SYTL5: variants seen among roughly 807,000 people sequenced by gnomAD.
SYTL5 encodes synaptotagmin like 5.
In SYTL5, 34 loss-of-function variants were observed where a neutral mutation model predicts 55.9. The ratio of observed to expected loss-of-function variants is 0.61; its 90% CI spans 0.46 to 0.81. SYTL5 has a LOEUF of 0.81. SYTL5 is among the 30% of genes least tolerant of loss of function. SYTL5 has a pLI of 0.00. For synonymous variants in SYTL5, 221 were observed against 188.7 expected, an observed-to-expected ratio of 1.17 and a Z score of -1.40; for missense variants, 637 against 546.7, an observed-to-expected ratio of 1.17 and a Z score of -1.65.
chrX:37,903,265 G>A, the SYTL5 span, among the ~76,000 whole-genome samples: 2 of 107,815 alleles, frequency 1.9e-5, no homozygotes, highest in Non-Finnish European at 3.8e-5. Context: ...GTTTATTGCG[G>A]CACTATTCAC....
At chrX:38,116,022 G>A (rs985399632) in intron 13 of SYTL5, among the ~76,000 whole-genome samples, 2 of 111,500 alleles carry the variant, frequency 1.8e-5, no homozygotes, top group African/African-American at 3.3e-5. Context: ...CCAGACCTAT[G>A]TTGTGGAGCT....
the SYTL5 span, among the ~76,000 whole-genome samples, chrX:37,960,896 C>T: frequency 6.4e-5 from 7 of 108,744 alleles, no homozygotes; most frequent in East Asian, 2.8e-4. Flanking sequence ...CCCGGGTTCA[C>T]GCCATTCTCC....
At chrX:38,066,548 C>A (rs1033745805) in intron 3 of SYTL5, among the ~76,000 whole-genome samples, 1 of 111,543 alleles carries the variant, frequency 9.0e-6, no homozygotes, top group Middle Eastern at 4.7e-3. Context: ...ACTAGATTGA[C>A]ATGACAGAGA....
chrX:38,019,915 C>CTGAG (rs201548090), intron 1 of SYTL5, among the ~76,000 whole-genome samples: 1,161 of 111,976 alleles, frequency 0.01, 7 homozygotes, highest in Non-Finnish European at 0.015. Context: ...GATTACAGAC[C>CTGAG]TGAGCCACAA....
Position 38,090,532 on chromosome X carries a change from G to A in SYTL5, c.831+945G>A, listed in dbSNP as rs185374958. On this transcript the variant is annotated intron_variant, in intron 7 of 16. Transcript: ENST00000297875. ...ATTTGTGAGATTTTTTTATTTAGCA[G>A]GAAGCTCCATCCACATTGCTGGCAT... 1.1e-3 allele frequency among the ~76,000 whole-genome samples: 118 copies of A among 111,969 alleles called. 1 individual carries two copies. Among genetic ancestry groups the A allele is most frequent in the Middle Eastern group, 4.6e-3 (1 of 217 alleles).
At position 38,023,356 on chromosome X, in the gene SYTL5, CATAAT is replaced by C. The variant is rs200007958; in HGVS notation, c.-356-10174_-356-10170del. 9.4e-3 allele frequency among the ~76,000 whole-genome samples: 1,050 copies of C among 111,845 alleles called. 7 individuals are homozygous for C. Among genetic ancestry groups the C allele is most frequent in the Middle Eastern group, 0.041 (9 of 219 alleles). ...TTGGTTCTTGAAAATTTTTTAAAGA[CATAAT>C]ATATGGTTACATGAATACATCCAAA... is the stretch of plus-strand genomic sequence containing the variant. On this transcript the variant is annotated intron_variant, in intron 1 of 16. Transcript: ENST00000297875.
chrX:37,900,478 C>A, the SYTL5 span, among the ~76,000 whole-genome samples: 1 of 111,677 alleles, frequency 9.0e-6, no homozygotes, highest in Non-Finnish European at 1.9e-5. Context: ...AAGAAGACCT[C>A]AGTAATACAT....
At chrX:37,991,482 C>T in the SYTL5 span, among the ~76,000 whole-genome samples, 8 of 110,973 alleles carry the variant, frequency 7.2e-5, no homozygotes, top group African/African-American at 2.3e-4. Flanking sequence ...GTGAGGGCGC[C>T]GGCCCTGTGG....
the SYTL5 span, among the ~76,000 whole-genome samples, chrX:37,911,219 G>T: frequency 9.0e-6 from 1 of 110,622 alleles, no homozygotes; most frequent in Non-Finnish European, 1.9e-5. Context: ...TGATCTGCCT[G>T]CCTCGGCCTC....
intron 12 of SYTL5, among the ~76,000 whole-genome samples, chrX:38,109,824 T>G (rs1357154379): frequency 9.0e-6 from 1 of 111,145 alleles, no homozygotes; most frequent in Non-Finnish European, 1.9e-5. Context: ...TTAATATACA[T>G]GTACACCTTT....
At chrX:38,033,151 GAAGA>G (rs1159598478) in intron 1 of SYTL5, among the ~76,000 whole-genome samples, 1 of 111,606 alleles carries the variant, frequency 9.0e-6, no homozygotes, top group African/African-American at 3.3e-5. Flanking sequence ...GGAAAGGAAG[GAAGA>G]AAGAAGGAGG....
At chrX:38,037,982 A>C (rs1169281632) in intron 2 of SYTL5, among the ~76,000 whole-genome samples, 2 of 111,368 alleles carry the variant, frequency 1.8e-5, no homozygotes, top group African/African-American at 3.3e-5. Flanking sequence ...CATGTCTGGC[A>C]GTCAGTAGCA....
At chrX:38,009,329 A>G (rs1218974920) in intron 1 of SYTL5, among the ~76,000 whole-genome samples, 1 of 112,190 alleles carries the variant, frequency 8.9e-6, no homozygotes, top group African/African-American at 3.2e-5. Context: ...CATCTGCTAT[A>G]CATTTTCCCA....
At position 38,064,699 on chromosome X, in the gene SYTL5, G is replaced by A. The variant is rs767580418; in HGVS notation, c.330-7348G>A. Among the ~76,000 whole-genome samples, 5 of 110,965 alleles carry A rather than the reference G, an allele frequency of 4.5e-5. No homozygotes were observed. In the South Asian group the frequency reaches 1.9e-3, roughly 42 times the overall value. ...CCAACATTTGACTTTAAACCTTTCT[G>A]TGTCCATATGTTTAAGGTGAGTCTC... On this transcript the variant is annotated intron_variant, in intron 3 of 16. Transcript: ENST00000297875.
chrX:37,940,206 C>T, the SYTL5 span, among the ~76,000 whole-genome samples: 1 of 110,819 alleles, frequency 9.0e-6, no homozygotes, highest in African/African-American at 3.3e-5. Context: ...GATTCTGAGA[C>T]CACTGTTGCC....
At chrX:38,026,786 A>G (rs1934791535) in intron 1 of SYTL5, among the ~76,000 whole-genome samples, 1 of 111,452 alleles carries the variant, frequency 9.0e-6, no homozygotes, top group South Asian at 3.8e-4. Flanking sequence ...AGTTTTATCA[A>G]CAAGGTCTTT....
chrX:38,103,989 C>G (rs1362250516), intron 10 of SYTL5, among the ~76,000 whole-genome samples: 13 of 112,093 alleles, frequency 1.2e-4, no homozygotes, highest in Non-Finnish European at 2.4e-4. Flanking sequence ...CTATTACTTA[C>G]CACTAATAGG....
chrX:38,096,197 G>A lies in SYTL5; in HGVS notation c.1025G>A (p.Ser342Asn). 2 of 1,191,205 alleles carry A rather than the reference G, an allele frequency of 1.7e-6. No homozygotes were observed. Among genetic ancestry groups the A allele is most frequent in the East Asian group, 6.0e-5 (2 of 33,546 alleles). ...ACAGAAGACTCAGAGGATACTGTAA[G>A]CATAAGAAGCAAGTCTGTCCCTGGG... ...SFTEDSEDTV[S>N]IRSKSVPGAL... The change falls in exon 9 of 17, where the codon AGC becomes AAC. Residue 342 changes from serine (S) to asparagine (N), a missense_variant. By Grantham distance (46) the Ser-to-Asn change is conservative. Transcript: ENST00000297875.
chrX:37,986,957 T>C, the SYTL5 span, among the ~76,000 whole-genome samples: 1 of 111,839 alleles, frequency 8.9e-6, no homozygotes, highest in African/African-American at 3.3e-5. Context: ...CATGTTGGTG[T>C]GCTGCACCCA....
Sources: gnomAD v4.1 joint callset for allele counts (sites outside exome capture counted in the v4.1 genomes callset) on GRCh38, gnomAD v4.1.1 for gene constraint, MANE v1.5 for transcripts, NCBI Gene and HGNC (gene_info 2026-07-23, HGNC 2026-07-21) for gene names.